NCAM2: variants seen among roughly 807,000 people sequenced by gnomAD.
NCAM2 encodes the protein neural cell adhesion molecule 2.
A neutral mutation model predicts 98.1 loss-of-function variants in NCAM2; 30 were observed. That is an observed-to-expected ratio of 0.31 (90% confidence interval 0.23 to 0.41). The LOEUF (loss-of-function observed/expected upper bound fraction) is 0.41, where lower values mean the gene tolerates loss of function less well. NCAM2 is among the 10% of genes least tolerant of loss of function. The pLI is 1.00. For missense variants in NCAM2, 867 were observed against 1,005.8 expected, an observed-to-expected ratio of 0.86 and a Z score of 1.87; for synonymous variants, 368 against 342.4, an observed-to-expected ratio of 1.07 and a Z score of -0.83.
chr21:21,193,167 G>A (rs1235419229), intron 1 of NCAM2, among the ~76,000 whole-genome samples: 5 of 152,094 alleles, frequency 3.3e-5, no homozygotes, highest in African/African-American at 1.2e-4. Context: ...AGCTCTCTGT[G>A]TCTATCATGT....
chr21:21,333,035 G>A (rs1462925225), intron 6 of NCAM2, among the ~76,000 whole-genome samples: 1 of 152,170 alleles, frequency 6.6e-6, no homozygotes, highest in East Asian at 1.9e-4. Context: ...TTAGAGAAGT[G>A]GTTTGAGTTT....
intron 1 of NCAM2, among the ~76,000 whole-genome samples, chr21:21,011,833 T>C (rs1202007840): frequency 6.6e-6 from 1 of 151,688 alleles, no homozygotes; most frequent in Non-Finnish European, 1.5e-5. Flanking sequence ...AACAACTGAG[T>C]AGATATCTTC....
chr21:21,119,166 T>G (rs2066622237), intron 1 of NCAM2, among the ~76,000 whole-genome samples: 1 of 152,302 alleles, frequency 6.6e-6, no homozygotes, highest in Non-Finnish European at 1.5e-5. Context: ...AGGCATTTTC[T>G]TTTAGTTCTA....
intron 1 of NCAM2, among the ~76,000 whole-genome samples, chr21:21,022,368 A>G (rs1042810126): frequency 1.1e-4 from 17 of 152,108 alleles, no homozygotes; most frequent in African/African-American, 4.1e-4. Flanking sequence ...TAAAGGTAAT[A>G]GTCAAACTCC....
intron 14 of NCAM2, among the ~76,000 whole-genome samples, chr21:21,471,767 A>G (rs1055328714): frequency 3.9e-5 from 6 of 152,034 alleles, no homozygotes; most frequent in African/African-American, 1.4e-4. Context: ...TAGAAAGTGT[A>G]AAACTCCCTA....
At chr21:21,142,543 TA>T (rs2067192553) in intron 1 of NCAM2, among the ~76,000 whole-genome samples, 1 of 117,658 alleles carries the variant, frequency 8.5e-6, no homozygotes, top group Admixed American at 8.0e-5. Flanking sequence ...CAGGCCTGGC[TA>T]ATTTTTTTGT....
chr21:21,377,582 A>G (rs2076061520), intron 9 of NCAM2, among the ~76,000 whole-genome samples: 1 of 151,944 alleles, frequency 6.6e-6, no homozygotes. Flanking sequence ...TTGGCCAACA[A>G]TAATTGTATC....
chr21:21,175,171 A>G (rs1346508637), intron 1 of NCAM2, among the ~76,000 whole-genome samples: 1 of 152,176 alleles, frequency 6.6e-6, no homozygotes, highest in East Asian at 1.9e-4. Context: ...AAACTGGGAA[A>G]CAAGTCAAGA....
chr21:21,016,904 G>C (rs2064320760), intron 1 of NCAM2, among the ~76,000 whole-genome samples: 1 of 152,090 alleles, frequency 6.6e-6, no homozygotes, highest in African/African-American at 2.4e-5. Flanking sequence ...GGGGACTATA[G>C]TCAATATATG....
At chr21:21,526,680 G>C (rs1431868327) in intron 16 of NCAM2, among the ~76,000 whole-genome samples, 3 of 152,042 alleles carry the variant, frequency 2.0e-5, no homozygotes, top group Admixed American at 6.6e-5. Context: ...AAGTAATATT[G>C]AAAGTGTAAA....
intron 5 of NCAM2, among the ~76,000 whole-genome samples, chr21:21,299,348 T>C (rs151228828): frequency 6.6e-6 from 1 of 151,456 alleles, no homozygotes; most frequent in East Asian, 2.0e-4. Context: ...AATAAAAGCA[T>C]AGGTATTCGG....
chr21:21,493,554 A>G (rs949749522), intron 15 of NCAM2, among the ~76,000 whole-genome samples: 7 of 151,964 alleles, frequency 4.6e-5, no homozygotes, highest in African/African-American at 1.7e-4. Context: ...GCACATTGTA[A>G]TCACCCAAAG....
At chr21:21,040,000 A>G (rs562972499) in intron 1 of NCAM2, among the ~76,000 whole-genome samples, 1 of 152,298 alleles carries the variant, frequency 6.6e-6, no homozygotes, top group Non-Finnish European at 1.5e-5. Flanking sequence ...TGAGGAGGAT[A>G]CACATTGCCA....
At chr21:21,474,162 A>C (rs1377389252) in intron 14 of NCAM2, among the ~76,000 whole-genome samples, 1 of 151,940 alleles carries the variant, frequency 6.6e-6, no homozygotes, top group Non-Finnish European at 1.5e-5. Context: ...ATTTGGTAAC[A>C]CCCACTTTAA....
intron 2 of NCAM2, among the ~76,000 whole-genome samples, chr21:21,283,882 C>T (rs530914206): frequency 6.6e-6 from 1 of 151,968 alleles, no homozygotes; most frequent in African/African-American, 2.4e-5. Context: ...AGTTTCAGAA[C>T]TTAAATGTAA....
At chr21:21,116,717 C>T (rs1212166086) in intron 1 of NCAM2, among the ~76,000 whole-genome samples, 3 of 151,952 alleles carry the variant, frequency 2.0e-5, no homozygotes, top group South Asian at 2.1e-4. Flanking sequence ...TAGCTGGGTG[C>T]GGTGGCAGGC....
At chr21:21,396,633 G>A (rs1199052978) in intron 9 of NCAM2, among the ~76,000 whole-genome samples, 1 of 152,148 alleles carries the variant, frequency 6.6e-6, no homozygotes, top group Non-Finnish European at 1.5e-5. Flanking sequence ...CAGCCACTGG[G>A]CCCAGCCAGG....
intron 8 of NCAM2, among the ~76,000 whole-genome samples, chr21:21,371,865 GCACACACACACA>G (rs5842919): frequency 6.7e-6 from 1 of 148,380 alleles, no homozygotes; most frequent in Admixed American, 6.8e-5. Flanking sequence ...AAATGCGCGT[GCACACACACACA>G]CACACACACA....
chr21:21,234,239 T>G (rs1325849917), intron 1 of NCAM2, among the ~76,000 whole-genome samples: 1 of 151,712 alleles, frequency 6.6e-6, no homozygotes, highest in Non-Finnish European at 1.5e-5. Flanking sequence ...AGTACTCTAG[T>G]TAATGCAGGA....
Sources: allele counts gnomAD v4.1 joint callset (sites outside exome capture counted in the v4.1 genomes callset), GRCh38; gene constraint gnomAD v4.1.1; transcripts MANE v1.5; gene names NCBI Gene and HGNC (gene_info 2026-07-23, HGNC 2026-07-21).